The following PAM variants were observed in gnomAD, a reference collection of about 807,000 sequenced individuals.
PAM encodes the protein peptidylglycine alpha-amidating monooxygenase, also known as peptidyl-glycine alpha-amidating monooxygenase.
In PAM, 72 loss-of-function variants were observed where a neutral mutation model predicts 122.1. That is an observed-to-expected ratio of 0.59 (90% confidence interval 0.49 to 0.72). The LOEUF (loss-of-function observed/expected upper bound fraction) is 0.72, where lower values mean the gene tolerates loss of function less well. PAM is among the 30% of genes least tolerant of loss of function. PAM has a pLI of 0.00. For synonymous variants in PAM, 389 were observed against 404.4 expected (o/e 0.96, Z 0.46); for missense variants, 1,106 against 1,183.7 (o/e 0.93, Z 0.96).
At chr5:102,874,810 T>C (rs1788625418) in intron 3 of PAM, among the ~76,000 whole-genome samples, 1 of 152,122 alleles carries the variant, frequency 6.6e-6, no homozygotes, top group Admixed American at 6.5e-5. Flanking sequence ...AACACTACTA[T>C]ATTGGGCACT....
chr5:102,797,335 A>C (rs904317488), intron 1 of PAM, among the ~76,000 whole-genome samples: 3 of 152,240 alleles, frequency 2.0e-5, no homozygotes, highest in Admixed American at 6.5e-5. Flanking sequence ...TCATTATTAA[A>C]TATTATTTTA....
At chr5:102,928,656 TAAAACAATG>T (rs1023870543) in intron 7 of PAM, among the ~76,000 whole-genome samples, 2 of 152,116 alleles carry the variant, frequency 1.3e-5, no homozygotes, top group Non-Finnish European at 2.9e-5. Context: ...CAAATCTCAC[TAAAACAATG>T]AGATATCGTT....
chr5:102,966,606 A>G (rs1302178569), intron 14 of PAM, among the ~76,000 whole-genome samples: 1 of 152,182 alleles, frequency 6.6e-6, no homozygotes, highest in African/African-American at 2.4e-5. Context: ...AACCAAATTG[A>G]CTTTAACCCG....
intron 1 of PAM, among the ~76,000 whole-genome samples, chr5:102,816,855 A>G (rs1770001124): frequency 1.3e-5 from 2 of 152,076 alleles, no homozygotes; most frequent in South Asian, 4.1e-4. Flanking sequence ...TTTTAAATTC[A>G]TATTGCTGAT....
At chr5:102,976,273 G>A (rs1767633029) in intron 15 of PAM, among the ~76,000 whole-genome samples, 1 of 152,074 alleles carries the variant, frequency 6.6e-6, no homozygotes, top group African/African-American at 2.4e-5. Context: ...ATTTAGGTAA[G>A]CTGTTTCTAA....
At chr5:102,886,801 C>T (rs185340498) in intron 3 of PAM, among the ~76,000 whole-genome samples, 1 of 152,148 alleles carries the variant, frequency 6.6e-6, no homozygotes, top group East Asian at 1.9e-4. Context: ...TTACAAGAAG[C>T]CAGCTTCTGT....
intron 22 of PAM, 28 bp downstream of exon 22, chr5:103,017,461 C>T (rs1782357568): frequency 1.5e-6 from 2 of 1,342,292 alleles, no homozygotes; most frequent in African/African-American, 1.4e-5. Flanking sequence ...TTATTGTTCA[C>T]ATTTTCCCTC....
At chr5:102,803,696 A>G (rs1765488549) in intron 1 of PAM, among the ~76,000 whole-genome samples, 1 of 152,198 alleles carries the variant, frequency 6.6e-6, no homozygotes, top group Non-Finnish European at 1.5e-5. Flanking sequence ...TAAAAGATTG[A>G]AAAAATTGAA....
At chr5:103,018,264 AC>A (rs1438396920) in intron 22 of PAM, among the ~76,000 whole-genome samples, 5 of 152,194 alleles carry the variant, frequency 3.3e-5, no homozygotes, top group South Asian at 2.1e-4. Context: ...GGACAAAAAA[AC>A]AATATGTAAA....
intron 7 of PAM, among the ~76,000 whole-genome samples, chr5:102,945,365 AT>A (rs547500158): frequency 8.3e-4 from 124 of 149,252 alleles, no homozygotes; most frequent in South Asian, 8.8e-4. Flanking sequence ...TATTTGACAA[AT>A]TTGGCATGTG....
At chr5:102,957,617 G>A (rs1055542479) in intron 12 of PAM, among the ~76,000 whole-genome samples, 1 of 151,588 alleles carries the variant, frequency 6.6e-6, no homozygotes, top group South Asian at 2.1e-4. Flanking sequence ...TGCAACCTCT[G>A]CCCCTGTGTT....
chr5:102,933,362 G>C (rs1054750701), intron 7 of PAM, among the ~76,000 whole-genome samples: 1 of 152,218 alleles, frequency 6.6e-6, no homozygotes, highest in Admixed American at 6.5e-5. Context: ...TCTGGAAAAT[G>C]GGGATTAAAA....
intron 18 of PAM, 125 bp downstream of exon 18, chr5:103,005,351 G>A (rs1582814806): frequency 3.0e-6 from 2 of 664,914 alleles, no homozygotes. Flanking sequence ...GTTATAACAA[G>A]AAAATAGAGC....
chr5:102,881,114 A>G (rs1790834510), intron 3 of PAM, among the ~76,000 whole-genome samples: 1 of 134,284 alleles, frequency 7.4e-6, no homozygotes, highest in South Asian at 2.6e-4. Context: ...AAAATTAAAA[A>G]ATAATTTTTA....
intron 24 of PAM, 148 bp from the exon 25 acceptor site, chr5:103,028,037 G>A (rs921231791): frequency 2.1e-5 from 13 of 618,774 alleles, no homozygotes; most frequent in East Asian, 2.9e-5. Flanking sequence ...GAAATATACC[G>A]CCTTTCTTAA....
intron 23 of PAM, among the ~76,000 whole-genome samples, chr5:103,023,474 G>C (rs1784171060): frequency 6.8e-6 from 1 of 146,594 alleles, no homozygotes; most frequent in African/African-American, 2.5e-5. Context: ...CTTAAATATA[G>C]AGCAATTTTG....
At chr5:102,802,928 A>G (rs1368728589) in intron 1 of PAM, among the ~76,000 whole-genome samples, 1 of 152,076 alleles carries the variant, frequency 6.6e-6, no homozygotes, top group African/African-American at 2.4e-5. Flanking sequence ...GGCTAGCCTC[A>G]GCAACATAGC....
At chr5:102,831,777 A>C (rs768212474) in intron 1 of PAM, among the ~76,000 whole-genome samples, 17 of 152,254 alleles carry the variant, frequency 1.1e-4, no homozygotes, top group Non-Finnish European at 1.3e-4. Context: ...ATTTACTACT[A>C]TGCTAATGTG....
intron 1 of PAM, among the ~76,000 whole-genome samples, chr5:102,828,104 C>T (rs113004483): frequency 2.6e-5 from 4 of 152,098 alleles, no homozygotes; most frequent in Non-Finnish European, 5.9e-5. Context: ...TTTAGGAGGC[C>T]GAGGCCAGCA....
Sources: allele counts gnomAD v4.1 joint callset (sites outside exome capture counted in the v4.1 genomes callset), GRCh38; gene constraint gnomAD v4.1.1; transcripts MANE v1.5; gene names NCBI Gene and HGNC (gene_info 2026-07-23, HGNC 2026-07-21).